TYK2: variants seen among roughly 807,000 people sequenced by gnomAD.
TYK2 encodes non-receptor tyrosine-protein kinase TYK2.
A neutral mutation model predicts 130.9 loss-of-function variants in TYK2; 65 were observed. The observed-to-expected ratio is 0.50, with a 90% CI of 0.41 to 0.61. The LOEUF (loss-of-function observed/expected upper bound fraction) is 0.61, where lower values mean the gene tolerates loss of function less well. Ranked by LOEUF, TYK2 falls within the 20% of genes least tolerant of loss-of-function variation. The probability of loss-of-function intolerance (pLI) is 0.00; values close to 1 mark genes in which losing one functional copy is unlikely to be tolerated. For missense variants in TYK2, 1,378 were observed against 1,610.7 expected (o/e 0.86, Z 2.47); for synonymous variants, 647 against 658.9 (o/e 0.98, Z 0.28).
At chr19:10,359,681 A>G (rs1407136935) in intron 14 of TYK2, among the ~76,000 whole-genome samples, 1 of 150,072 alleles carries the variant, frequency 6.7e-6, no homozygotes, top group Non-Finnish European at 1.5e-5. Context: ...CTCCATCACT[A>G]CTAAAAAAAA....
intron 3 of TYK2, among the ~76,000 whole-genome samples, chr19:10,376,753 C>A (rs1165014807): frequency 6.6e-6 from 1 of 152,074 alleles, no homozygotes; most frequent in Non-Finnish European, 1.5e-5. Context: ...CAGGTGCGCA[C>A]CCCACGCCCG....
intron 3 of TYK2, among the ~76,000 whole-genome samples, chr19:10,372,282 G>A (rs1166420589): frequency 9.7e-5 from 14 of 144,870 alleles, no homozygotes; most frequent in Admixed American, 7.6e-4. Flanking sequence ...CGTGAGCCAC[G>A]GCGCCCGGCC....
rs751786039 is a variant in TYK2, at chr19:10,364,697, G to A, written c.1284C>T (p.Ala428=). The change falls in exon 9 of 25, where the codon GCC becomes GCT. Residue 428 remains alanine (A), a synonymous_variant. Transcript: ENST00000525621. This position sits in a 1 kb window ranked among gnomAD's most constrained non-coding sequence, Gnocchi z 4.9. ...SLVDGYFRLT[A]DSSHYLCHEV... is the part of the protein sequence containing the mutation. ...CGTGGCACAGGTAGTGGCTGGAGTC[G>A]GCCGTCAGGCGGAAATAGCCGTCCA... The A allele has an allele frequency of 9.9e-6, 16 of 1,613,578 alleles. No homozygotes were observed. The highest frequency in any genetic ancestry group is 4.0e-5 in the African/African-American group (3 of 74,942).
At chr19:10,362,042 C>T in intron 12 of TYK2, 36 bp downstream of exon 12, 1 of 1,613,218 alleles carries the variant, frequency 6.2e-7, no homozygotes, top group Non-Finnish European at 8.5e-7. Flanking sequence ...TCCCCAGGGG[C>T]CCTGCCCTTG....
intron 14 of TYK2, among the ~76,000 whole-genome samples, chr19:10,360,744 A>T (rs994614082): frequency 6.6e-6 from 1 of 151,640 alleles, no homozygotes; most frequent in Non-Finnish European, 1.5e-5. Flanking sequence ...CAAGGGCTTT[A>T]TTTTTTATTT....
Position 10,353,428 on chromosome 19 carries a change from C to A in TYK2, c.3027+100G>T, listed in dbSNP as rs1259141828. The A allele has an allele frequency of 9.4e-6, 8 of 849,786 alleles. No individual in the cohort carries two copies. The highest frequency in any genetic ancestry group is 1.4e-5 in the Non-Finnish European group (8 of 574,770). 52.6% of individuals were successfully genotyped at this position (849,786 alleles called of 1,614,324 possible). A position where few individuals can be genotyped will look rare whatever the true frequency, so the allele number is the denominator to read the frequency against. On this transcript the variant is annotated intron_variant, in intron 21 of 24. Transcript: ENST00000525621. This position sits in a 1 kb window ranked among gnomAD's most constrained non-coding sequence, Gnocchi z 6.9. ...GGACAAGACAGCCTGGGCAAACGAGCAGGGGCGGAGCGTGAGAGCAGACTG... is the reference window on the plus strand; with the variant it reads ...GGACAAGACAGCCTGGGCAAACGAGAAGGGGCGGAGCGTGAGAGCAGACTG...
chr19:10,373,082 G>C (rs960636957), intron 3 of TYK2, among the ~76,000 whole-genome samples: 20 of 151,146 alleles, frequency 1.3e-4, no homozygotes, highest in Middle Eastern at 6.8e-3. Flanking sequence ...TGTTGCCCAG[G>C]CTGGAGTGCA....
intron 2 of TYK2, 106 bp downstream of exon 2, chr19:10,379,509 A>C (rs896163153): frequency 9.0e-5 from 13 of 144,158 alleles, no homozygotes; most frequent in African/African-American, 3.0e-4. Flanking sequence ...AAAATACAAT[A>C]AATAAATAAA....
chr19:10,353,041 C>T lies in TYK2; in HGVS notation c.3085G>A (p.Val1029Met). The T allele has an allele frequency of 1.3e-6, 2 of 1,594,914 alleles. No individual in the cohort carries two copies. The highest frequency in any genetic ancestry group is 1.7e-6 in the Non-Finnish European group (2 of 1,169,638). Residue 1029 changes from valine (V) to methionine (M), a missense_variant, in exon 22 of 25, where the codon GTG becomes ATG. Physicochemically the swap from Val to Met is conservative, Grantham distance 21. Transcript: ENST00000525621. The surrounding 1 kb of genome is among the most constrained non-coding windows in gnomAD (Gnocchi z 6.9). ...ACCAGCCTGTCGTTGTCCAGCAGCACGTTGCGCGCGGCTAGGTCTCGGTGG... is the reference window on the plus strand; with the variant it reads ...ACCAGCCTGTCGTTGTCCAGCAGCATGTTGCGCGCGGCTAGGTCTCGGTGG... ...YIHRDLAARN[V>M]LLDNDRLVKI... is the part of the protein sequence containing the mutation.
intron 3 of TYK2, chr19:10,369,643 C>T: frequency 2.3e-6 from 1 of 433,942 alleles, no homozygotes; most frequent in Non-Finnish European, 4.6e-6. Flanking sequence ...GGGGCTCCAT[C>T]CACCACCTTC....
intron 9 of TYK2, among the ~76,000 whole-genome samples, chr19:10,363,550 C>A (rs1182870711): frequency 6.6e-6 from 1 of 152,070 alleles, no homozygotes; most frequent in Non-Finnish European, 1.5e-5. Context: ...TTGGAAACAG[C>A]CATCAGGAGC....
chr19:10,365,265 C>T (rs1410137854), intron 7 of TYK2, among the ~76,000 whole-genome samples: 1 of 152,140 alleles, frequency 6.6e-6, no homozygotes, highest in Non-Finnish European at 1.5e-5. Context: ...AGAATCCTGA[C>T]CCCCTCACAC....
Position 10,368,387 on chromosome 19 carries a change from G to A in TYK2, c.225C>T (p.Ala75=). The change falls in exon 4 of 25, where the codon GCC becomes GCT. Residue 75 remains alanine, a synonymous_variant. Coordinates refer to ENST00000525621, the MANE Select transcript of TYK2 (RefSeq NM_003331.5). ...GITPPCFNLF[A]LFDAQAQVWL... is the part of the protein sequence containing the mutation. ...AGACTTGGGCCTGAGCATCGAAGAG[G>A]GCAAAGAGATTGAAGCAAGGAGGAG... The A allele has an allele frequency of 6.2e-7, 1 of 1,614,124 alleles. No homozygotes were observed. The highest frequency in any genetic ancestry group is 8.5e-7 in the Non-Finnish European group (1 of 1,180,018).
Position 10,353,749 on chromosome 19 carries a change from C to A in TYK2, c.2909-103G>T. On this transcript the variant is annotated intron_variant, in intron 20 of 24. Coordinates refer to ENST00000525621, the MANE Select transcript of TYK2 (RefSeq NM_003331.5). This position sits in a 1 kb window ranked among gnomAD's most constrained non-coding sequence, Gnocchi z 6.9. ...CCCCTCCAAGGTCGGGAGGGAAGGC[C>A]AAGACCCGCGCACACTAGACCCAGT... 1 of 871,606 alleles carries A rather than the reference C, an allele frequency of 1.1e-6. No homozygotes were observed. Among genetic ancestry groups the A allele is most frequent in the Non-Finnish European group, 1.7e-6 (1 of 582,362 alleles). The allele number at this position is 871,606 out of a possible 1,614,324, so 54.0% of individuals were successfully genotyped here.
rs2040911268 is a variant in TYK2 at position 10,353,362 on chromosome 19, G to A, written c.3027+166C>T. On this transcript the variant is annotated intron_variant, in intron 21 of 24. Coordinates refer to ENST00000525621, the MANE Select transcript of TYK2 (RefSeq NM_003331.5). This position sits in a 1 kb window ranked among gnomAD's most constrained non-coding sequence, Gnocchi z 6.9. ...TGTGCGTGGTCCCTTGGGAGGAGGG[G>A]GTGTGGCCAAGCAAGCCAAACAGTT... The A allele has an allele frequency of 6.8e-6, 4 of 585,786 alleles. No individual in the cohort carries two copies. Among genetic ancestry groups the A allele is most frequent in the African/African-American group, 1.9e-5 (1 of 52,776 alleles). 36.3% of individuals were successfully genotyped at this position (585,786 alleles called of 1,614,324 possible). A position where few individuals can be genotyped will look rare whatever the true frequency, so the allele number is the denominator to read the frequency against.
intron 3 of TYK2, among the ~76,000 whole-genome samples, chr19:10,375,641 G>A (rs1471966715): frequency 6.6e-6 from 1 of 151,604 alleles, no homozygotes; most frequent in African/African-American, 2.4e-5. Context: ...ATTGGGCCGG[G>A]CATGGTGGCT....
chr19:10,377,574 G>A (rs188575224), intron 3 of TYK2, among the ~76,000 whole-genome samples: 4 of 113,892 alleles, frequency 3.5e-5, no homozygotes, highest in Non-Finnish European at 5.6e-5. Flanking sequence ...ATGGGTGGGT[G>A]GGTGGATGGA....
intron 3 of TYK2, among the ~76,000 whole-genome samples, chr19:10,370,149 G>A (rs1336809667): frequency 6.6e-6 from 1 of 152,012 alleles, no homozygotes; most frequent in Non-Finnish European, 1.5e-5. Context: ...ATCACTTGAG[G>A]TCAGGAGTTC....
Position 10,361,465 on chromosome 19 carries a change from AGG to A in TYK2, c.2047+44_2047+45del. On this transcript the variant is annotated intron_variant, in intron 14 of 24. Transcript: ENST00000525621. The surrounding 1 kb of genome is among the most constrained non-coding windows in gnomAD (Gnocchi z 4.0). ...ACAGATCAGGGAGTGGGTATAAGTC[AGG>A]GGTGGCCTGCCAAAGGGGGATGGGT... 1.3e-6 allele frequency: 2 copies of A among 1,532,684 alleles called. No homozygotes were observed. Among genetic ancestry groups the A allele is most frequent in the Non-Finnish European group, 1.8e-6 (2 of 1,136,562 alleles). 94.9% of individuals were successfully genotyped at this position (1,532,684 alleles called of 1,614,324 possible). A position where few individuals can be genotyped will look rare whatever the true frequency, so the allele number is the denominator to read the frequency against.
Sources: gnomAD v4.1 joint callset for allele counts (sites outside exome capture counted in the v4.1 genomes callset) on GRCh38, gnomAD v4.1.1 for gene constraint, Gnocchi (gnomAD v3.1) non-coding constraint, MANE v1.5 for transcripts, NCBI Gene and HGNC (gene_info 2026-07-23, HGNC 2026-07-21) for gene names.